SMYD3: variants seen among roughly 807,000 people sequenced by gnomAD.
SMYD3 encodes histone-lysine N-methyltransferase SMYD3.
SMYD3 carries 36 observed loss-of-function variants against 57.7 expected under a neutral mutation model. The observed-to-expected ratio is 0.62, with a 90% CI of 0.48 to 0.82. SMYD3 has a LOEUF of 0.82. Among genes scored for constraint, SMYD3 ranks in the 40% least tolerant of loss-of-function variants. The pLI, the probability that SMYD3 is intolerant of heterozygous loss-of-function variation, is 0.00. For missense variants in SMYD3, 515 were observed against 538.8 expected (o/e 0.96, Z 0.44); for synonymous variants, 211 against 195.0 (o/e 1.08, Z -0.68).
At chr1:246,083,723 G>A (rs2060681184) in intron 5 of SMYD3, among the ~76,000 whole-genome samples, 1 of 152,088 alleles carries the variant, frequency 6.6e-6, no homozygotes, top group Non-Finnish European at 1.5e-5. Flanking sequence ...CAATAACACA[G>A]CTAATCTCAC....
chr1:246,480,096 C>G (rs902859320), intron 1 of SMYD3, among the ~76,000 whole-genome samples: 1 of 152,136 alleles, frequency 6.6e-6, no homozygotes, highest in African/African-American at 2.4e-5. Flanking sequence ...GTTTTTATAA[C>G]AGCTTCATAG....
intron 1 of SMYD3, among the ~76,000 whole-genome samples, chr1:246,423,073 C>T (rs566038066): frequency 4.3e-4 from 65 of 152,036 alleles, no homozygotes; most frequent in African/African-American, 1.5e-3. Flanking sequence ...CCAAGGCAGG[C>T]GGATCATGAG....
intron 1 of SMYD3, among the ~76,000 whole-genome samples, chr1:246,471,828 A>G (rs760918068): frequency 7.2e-4 from 109 of 152,374 alleles, no homozygotes; most frequent in Non-Finnish European, 1.1e-3. Flanking sequence ...TAAGTTAACT[A>G]GGCTAAAAAC....
chr1:246,090,077 T>A (rs549762237), intron 5 of SMYD3, among the ~76,000 whole-genome samples: 3 of 152,126 alleles, frequency 2.0e-5, no homozygotes, highest in African/African-American at 4.8e-5. Flanking sequence ...TTTCTTTCTA[T>A]TAGTGGATAT....
At chr1:246,335,220 A>C (rs1405819809) in intron 3 of SMYD3, 147 bp downstream of exon 3, 3 of 696,550 alleles carry the variant, frequency 4.3e-6, no homozygotes, top group African/African-American at 3.6e-5. Flanking sequence ...AAGCCAAAAA[A>C]TTTGTGAGAC....
chr1:246,239,750 CTGT>C (rs1464183023), intron 5 of SMYD3, among the ~76,000 whole-genome samples: 1 of 149,924 alleles, frequency 6.7e-6, no homozygotes. Context: ...TCTCCAGCAC[CTGT>C]TGTTTCCTGA....
chr1:245,962,787 T>A (rs1572799309), intron 5 of SMYD3, among the ~76,000 whole-genome samples: 5 of 126,144 alleles, frequency 4.0e-5, no homozygotes, highest in Non-Finnish European at 7.1e-5. Flanking sequence ...CCTGAATACA[T>A]GTTAATAGCT....
At position 246,148,969 on chromosome 1, in the gene SMYD3, G is replaced by A. The variant is rs574659093; in HGVS notation, c.531+178232C>T. Reference sequence around the variant, plus strand: ...CAGGAAAACCCTACAACTCAGGGTGGGTCCCAGGACAAATGCAGCTGATGT... The same window carrying A: ...CAGGAAAACCCTACAACTCAGGGTGAGTCCCAGGACAAATGCAGCTGATGT... On this transcript the variant is annotated intron_variant, in intron 5 of 11. Transcript: ENST00000490107. Among the ~76,000 whole-genome samples the A allele has an allele frequency of 1.8e-4, 28 of 152,302 alleles. No homozygotes were observed. The South Asian group carries it at 5.0e-3, about 27-fold the overall frequency.
intron 5 of SMYD3, among the ~76,000 whole-genome samples, chr1:246,120,371 C>T (rs1030627403): frequency 6.6e-6 from 1 of 152,114 alleles, no homozygotes; most frequent in African/African-American, 2.4e-5. Context: ...TGCCTGAAAC[C>T]AGACCTTAAT....
intron 5 of SMYD3, among the ~76,000 whole-genome samples, chr1:246,213,426 G>A (rs76159072): frequency 0.054 from 8,142 of 152,186 alleles, 358 homozygotes; most frequent in African/African-American, 0.1. Flanking sequence ...TCCTAAGTCC[G>A]TGTTTCCACC....
intron 5 of SMYD3, among the ~76,000 whole-genome samples, chr1:245,944,020 C>T (rs549385116): frequency 6.6e-6 from 1 of 152,192 alleles, no homozygotes; most frequent in East Asian, 1.9e-4. Context: ...GACAAACCCA[C>T]CCAGCCAATG....
At chr1:245,804,330 A>G (rs1360117009) in intron 10 of SMYD3, among the ~76,000 whole-genome samples, 1 of 152,162 alleles carries the variant, frequency 6.6e-6, no homozygotes. Context: ...GGCCGGGCGC[A>G]GTGGCACTTT....
intron 5 of SMYD3, among the ~76,000 whole-genome samples, chr1:246,265,012 C>T (rs2064077759): frequency 6.6e-6 from 1 of 152,188 alleles, no homozygotes; most frequent in Non-Finnish European, 1.5e-5. Flanking sequence ...ATCAAAGGTG[C>T]ATATGAAGAG....
Position 245,786,216 on chromosome 1 carries a change from G to GGGGT in SMYD3, c.1077-22068_1077-22067insACCC, listed in dbSNP as rs1553321368. Among the ~76,000 whole-genome samples the GGGGT allele has an allele frequency of 2.2e-5, 3 of 138,316 alleles. 1 individual carries two copies. Among genetic ancestry groups the GGGGT allele is most frequent in the African/African-American group, 7.8e-5 (3 of 38,612 alleles). The allele number at this position is 138,316 out of a possible 152,430, so 90.7% of individuals were successfully genotyped here. ...CTGAGTTGAGTTGGGGTGTGGACGG[G>GGGGT]GGGGGGATGGTGGCAACAGAATATT... On this transcript the variant is annotated intron_variant, in intron 10 of 11. Transcript: ENST00000490107.
intron 3 of SMYD3, among the ~76,000 whole-genome samples, chr1:246,332,764 C>A (rs1017606009): frequency 2.0e-5 from 3 of 152,186 alleles, no homozygotes; most frequent in South Asian, 2.1e-4. Flanking sequence ...GCCAAGCTCA[C>A]GCCACTGCAC....
chr1:246,074,320 T>A (rs1464944848), intron 5 of SMYD3, among the ~76,000 whole-genome samples: 9 of 144,140 alleles, frequency 6.2e-5, no homozygotes, highest in African/African-American at 2.3e-4. Context: ...GTTTTGCAAA[T>A]AAAAAAAAAT....
intron 5 of SMYD3, among the ~76,000 whole-genome samples, chr1:246,221,979 C>A (rs895146719): frequency 6.6e-6 from 1 of 152,124 alleles, no homozygotes; most frequent in Admixed American, 6.5e-5. Flanking sequence ...CATCACAATT[C>A]ACATAGGGTT....
chr1:245,978,315 C>T (rs1200948007), intron 5 of SMYD3, among the ~76,000 whole-genome samples: 9 of 152,134 alleles, frequency 5.9e-5, no homozygotes, highest in Admixed American at 4.6e-4. Context: ...CAACAGTAGG[C>T]GCTCAAAAAA....
intron 10 of SMYD3, among the ~76,000 whole-genome samples, chr1:245,807,326 A>G (rs374457065): frequency 2.0e-5 from 3 of 152,332 alleles, no homozygotes; most frequent in African/African-American, 7.2e-5. Context: ...CAGCTCTGCA[A>G]TGCAAACGCG....
Sources: gnomAD v4.1 joint callset for allele counts (sites outside exome capture counted in the v4.1 genomes callset) on GRCh38, gnomAD v4.1.1 for gene constraint, MANE v1.5 for transcripts, NCBI Gene and HGNC (gene_info 2026-07-23, HGNC 2026-07-21) for gene names.